Variants in SV2B observed in about 807,000 individuals in gnomAD.
The protein encoded by SV2B is synaptic vesicle glycoprotein 2B.
Under a neutral mutation model 73.9 loss-of-function variants are expected in SV2B, and 41 were observed. The ratio of observed to expected loss-of-function variants is 0.56; its 90% CI spans 0.43 to 0.72. The LOEUF is 0.72. SV2B is among the 30% of genes least tolerant of loss of function. The pLI, the probability that SV2B is intolerant of heterozygous loss-of-function variation, is 0.00. For missense variants in SV2B, 764 were observed against 857.8 expected (o/e 0.89, Z 1.37); for synonymous variants, 314 against 314.2 (o/e 1.00, Z 0.01).
rs1000254133 is a variant in SV2B at position 91,137,268 on chromosome 15, T to A, written c.-392+36905T>A. Among the ~76,000 whole-genome samples, 1 of 152,220 alleles carries A rather than the reference T, an allele frequency of 6.6e-6. No individual in the cohort carries two copies. The highest frequency in any genetic ancestry group is 2.4e-5 in the African/African-American group (1 of 41,446). ...TCCAACTACTAATCACCCCAGTTAA[T>A]GAGTTGTTTAAGCCACCCTCATATT... is the stretch of plus-strand genomic sequence containing the variant. On this transcript the variant is annotated intron_variant, in intron 1 of 12. Coordinates refer to ENST00000394232, the MANE Select transcript of SV2B (RefSeq NM_001323032.3). The surrounding 1 kb of genome is among the most constrained non-coding windows in gnomAD (Gnocchi z 4.9).
intron 2 of SV2B, among the ~76,000 whole-genome samples, chr15:91,238,792 G>A (rs1258878728): frequency 6.6e-6 from 1 of 152,182 alleles, no homozygotes. Flanking sequence ...CATCCTTTGT[G>A]TCAGGGGCCC....
At chr15:91,260,475 A>G in intron 6 of SV2B, 66 bp downstream of exon 6, 1 of 1,306,988 alleles carries the variant, frequency 7.7e-7, no homozygotes, top group Non-Finnish European at 1.1e-6. Flanking sequence ...TTTACTAAAA[A>G]GTAATTTAAG....
intron 2 of SV2B, among the ~76,000 whole-genome samples, chr15:91,249,661 G>A (rs929491339): frequency 1.3e-5 from 2 of 152,108 alleles, no homozygotes; most frequent in Non-Finnish European, 2.9e-5. Context: ...AATAAAATTA[G>A]AAATGAAATG....
chr15:91,223,372 A>AGT lies in SV2B; in HGVS notation c.-391-2499_-391-2498dup, dbSNP rs2046276859. On this transcript the variant is annotated intron_variant, in intron 1 of 12. Coordinates refer to ENST00000394232, the MANE Select transcript of SV2B (RefSeq NM_001323032.3). The surrounding 1 kb of genome is among the most constrained non-coding windows in gnomAD (Gnocchi z 4.6). ...AAATAGAAATGAACACTCACTGGAC[A>AGT]GTGATTCCCCTTTACTCCACTGCAC... Among the ~76,000 whole-genome samples, 2 of 152,252 alleles carry AGT rather than the reference A, an allele frequency of 1.3e-5. No individual in the cohort carries two copies. The highest frequency in any genetic ancestry group is 4.1e-4 in the South Asian group (2 of 4,834).
rs2048920819 is a variant in SV2B at position 91,288,046 on chromosome 15, A to C, written c.1709-1475A>C. 6.6e-6 allele frequency among the ~76,000 whole-genome samples: 1 copy of C among 152,166 alleles called. No homozygotes were observed. Among genetic ancestry groups the C allele is most frequent in the Non-Finnish European group, 1.5e-5 (1 of 68,042 alleles). Reference sequence around the variant, plus strand: ...AGCCACCTTCCCCTCCCAACTGATAAGAAAGTCCATGGGGTTAGCGTGTAG... The same window carrying C: ...AGCCACCTTCCCCTCCCAACTGATACGAAAGTCCATGGGGTTAGCGTGTAG... On this transcript the variant is annotated intron_variant, in intron 11 of 12. Coordinates refer to ENST00000394232, the MANE Select transcript of SV2B (RefSeq NM_001323032.3). This position sits in a 1 kb window ranked among gnomAD's most constrained non-coding sequence, Gnocchi z 5.8.
Position 91,296,118 on chromosome 15 carries a change from A to G in SV2B, c.*3566A>G, listed in dbSNP as rs1179286544. The stretch of plus-strand genomic sequence containing the variant: ...TGATGCCCTTGCCCATTTTCTACAG[A>G]CCTAATCGATTTTTACCTAATCAGT... On this transcript the variant is annotated 3_prime_UTR_variant, in exon 13 of 13. Coordinates refer to ENST00000394232, the MANE Select transcript of SV2B (RefSeq NM_001323032.3). The G allele has an allele frequency of 6.6e-6, 1 of 151,936 alleles. No homozygotes were observed. Among genetic ancestry groups the G allele is most frequent in the Non-Finnish European group, 1.5e-5 (1 of 67,992 alleles). The allele number at this position is 151,936 out of a possible 1,614,324, so 9.4% of individuals were successfully genotyped here.
Position 91,293,732 on chromosome 15 carries a change from C to A in SV2B, c.*1180C>A, listed in dbSNP as rs1249630838. ...TCTAGTGGTAAAATGCAAATGCAAT[C>A]CATATTTGTTAGGATGGTCAGGTCT... On this transcript the variant is annotated 3_prime_UTR_variant, in exon 13 of 13. Transcript: ENST00000394232. 1 of 152,188 alleles carries A rather than the reference C, an allele frequency of 6.6e-6. No individual in the cohort carries two copies. The highest frequency in any genetic ancestry group is 1.5e-5 in the Non-Finnish European group (1 of 68,034). The allele number at this position is 152,188 out of a possible 1,614,324, so 9.4% of individuals were successfully genotyped here.
intron 6 of SV2B, among the ~76,000 whole-genome samples, chr15:91,262,232 T>G (rs2047933857): frequency 6.6e-6 from 1 of 152,134 alleles, no homozygotes; most frequent in African/African-American, 2.4e-5. Context: ...GTGGCTATTG[T>G]AAGGATTAAG....
Position 91,176,974 on chromosome 15 carries a change from C to T in SV2B, c.-391-48899C>T, listed in dbSNP as rs543539699. ...GACATGAAGTCCTTGCCCATGCCTA[C>T]GTCCTGAATGGTAATGCCTAGGTTT... On this transcript the variant is annotated intron_variant, in intron 1 of 12. Transcript: ENST00000394232. Among the ~76,000 whole-genome samples the T allele has an allele frequency of 7.7e-3, 1,170 of 152,146 alleles. 12 individuals carry two copies. The highest frequency in any genetic ancestry group is 0.013 in the Non-Finnish European group (860 of 67,986).
chr15:91,182,648 T>C (rs1399267158), intron 1 of SV2B, among the ~76,000 whole-genome samples: 1 of 152,104 alleles, frequency 6.6e-6, no homozygotes, highest in Non-Finnish European at 1.5e-5. Context: ...GCATCTACGA[T>C]GGGTCAGCAT....
In SV2B at chr15:91,245,148, A is replaced by G. The variant is rs1423773663; in HGVS notation, c.452-6671A>G. On this transcript the variant is annotated intron_variant, in intron 2 of 12. Coordinates refer to ENST00000394232, the MANE Select transcript of SV2B (RefSeq NM_001323032.3). This position sits in a 1 kb window ranked among gnomAD's most constrained non-coding sequence, Gnocchi z 4.2. ...GGAGAGGAAATCTTCTGTCTGTGTGAAAAGCATCTCTAAAGCTGAGAAGAG... is the reference window on the plus strand; with the variant it reads ...GGAGAGGAAATCTTCTGTCTGTGTGGAAAGCATCTCTAAAGCTGAGAAGAG... 1.3e-5 allele frequency among the ~76,000 whole-genome samples: 2 copies of G among 152,166 alleles called. No homozygotes were observed. The highest frequency in any genetic ancestry group is 2.9e-5 in the Non-Finnish European group (2 of 68,002).
intron 1 of SV2B, among the ~76,000 whole-genome samples, chr15:91,209,414 G>A (rs918057228): frequency 6.6e-6 from 1 of 152,164 alleles, no homozygotes; most frequent in Admixed American, 6.5e-5. Flanking sequence ...GAGCCACTGC[G>A]CCTGGCTGGC....
chr15:91,109,985 A>T (rs1225405364), intron 1 of SV2B, among the ~76,000 whole-genome samples: 1 of 152,140 alleles, frequency 6.6e-6, no homozygotes, highest in Non-Finnish European at 1.5e-5. Context: ...TTGGCCTCCC[A>T]AAGTGCTGGG....
At chr15:91,151,764 C>T (rs1289191887) in intron 1 of SV2B, among the ~76,000 whole-genome samples, 2 of 152,164 alleles carry the variant, frequency 1.3e-5, no homozygotes, top group Admixed American at 6.5e-5. Context: ...TGTATCTGGG[C>T]TGGAAATCAA....
intron 1 of SV2B, among the ~76,000 whole-genome samples, chr15:91,200,899 C>G (rs565898145): frequency 1.3e-4 from 20 of 152,064 alleles, no homozygotes; most frequent in Non-Finnish European, 2.6e-4. Context: ...TGATGGAGAA[C>G]CTGTCTCTGA....
At chr15:91,247,650 CT>C (rs2047291760) in intron 2 of SV2B, among the ~76,000 whole-genome samples, 1 of 152,272 alleles carries the variant, frequency 6.6e-6, no homozygotes, top group East Asian at 1.9e-4. Context: ...GCAATGTGGC[CT>C]CTGCTAATTG....
At chr15:91,225,104 C>T (rs547412372) in intron 1 of SV2B, among the ~76,000 whole-genome samples, 1 of 152,206 alleles carries the variant, frequency 6.6e-6, no homozygotes, top group African/African-American at 2.4e-5. Context: ...CCATTTTATA[C>T]AGGAGAAAAT....
At chr15:91,150,143 C>T (rs951796378) in intron 1 of SV2B, among the ~76,000 whole-genome samples, 2 of 152,078 alleles carry the variant, frequency 1.3e-5, no homozygotes, top group Non-Finnish European at 2.9e-5. Flanking sequence ...AGCTGGGATC[C>T]AGGTGCCCAC....
intron 1 of SV2B, among the ~76,000 whole-genome samples, chr15:91,201,548 C>G (rs117989087): frequency 6.6e-6 from 1 of 152,186 alleles, no homozygotes; most frequent in East Asian, 1.9e-4. Context: ...TCCCTGAACT[C>G]TGTTGCCTGT....
Sources: allele counts gnomAD v4.1 joint callset (sites outside exome capture counted in the v4.1 genomes callset), GRCh38; gene constraint gnomAD v4.1.1; non-coding constraint Gnocchi (gnomAD v3.1); transcripts MANE v1.5; gene names NCBI Gene and HGNC (gene_info 2026-07-23, HGNC 2026-07-21).